The following AGO3 variants were observed in gnomAD, a reference collection of about 807,000 sequenced individuals.
AGO3 encodes the protein protein argonaute-3.
Under a neutral mutation model 105.5 loss-of-function variants are expected in AGO3, and 16 were observed. The observed-to-expected ratio is 0.15, with a 90% CI of 0.10 to 0.23. AGO3 has a LOEUF of 0.23. Ranked by LOEUF, AGO3 falls within the 10% of genes least tolerant of loss-of-function variation. The probability of loss-of-function intolerance (pLI) is 1.00; values close to 1 mark genes in which losing one functional copy is unlikely to be tolerated. For synonymous variants in AGO3, 340 were observed against 367.3 expected (o/e 0.93, Z 0.85); for missense variants, 534 against 1,088.0 (o/e 0.49, Z 7.16).
chr1:36,035,375 TG>T (rs1457351239), intron 13 of AGO3, among the ~76,000 whole-genome samples: 2 of 152,128 alleles, frequency 1.3e-5, no homozygotes, highest in African/African-American at 4.8e-5. Flanking sequence ...CACTCCAGCC[TG>T]GGCAACACAG....
chr1:36,036,201 G>A lies in AGO3; in HGVS notation c.1776G>A (p.Val592=), dbSNP rs1642000712. The A allele has an allele frequency of 1.2e-6, 2 of 1,614,120 alleles. No individual in the cohort carries two copies. Among genetic ancestry groups the A allele is most frequent in the African/African-American group, 2.7e-5 (2 of 75,042 alleles). ...GACCTTCTGTGTTCCAGCAACCAGT[G>A]ATCTTTTTGGGAGCCGATGTCACTC... is the stretch of plus-strand genomic sequence containing the variant. ...HQRPSVFQQP[V]IFLGADVTHP... The change falls in exon 14 of 19, where the codon GTG becomes GTA. Residue 592 remains valine, a synonymous_variant. Transcript: ENST00000373191.
At chr1:36,042,880 A>G (rs552154607) in intron 16 of AGO3, among the ~76,000 whole-genome samples, 4 of 152,342 alleles carry the variant, frequency 2.6e-5, no homozygotes, top group Admixed American at 2.6e-4. Flanking sequence ...ATTGTGTGCT[A>G]TTGAGCAAAT....
chr1:35,984,172 T>C (rs1647116185), intron 5 of AGO3, among the ~76,000 whole-genome samples: 1 of 151,914 alleles, frequency 6.6e-6, no homozygotes, highest in African/African-American at 2.4e-5. Flanking sequence ...GGGAAACATA[T>C]CCAAAAAATA....
intron 13 of AGO3, among the ~76,000 whole-genome samples, chr1:36,034,629 G>T (rs1253464711): frequency 6.6e-6 from 1 of 152,152 alleles, no homozygotes; most frequent in Non-Finnish European, 1.5e-5. Context: ...GTGGGAGCAG[G>T]CTCAAGCCCC....
intron 2 of AGO3, among the ~76,000 whole-genome samples, chr1:35,957,403 A>G (rs1389517882): frequency 6.6e-6 from 1 of 151,818 alleles, no homozygotes; most frequent in East Asian, 1.9e-4. Flanking sequence ...TTCACATATG[A>G]AATGACTACA....
chr1:36,043,166 AT>A (rs869053585), intron 16 of AGO3: 34 of 289,244 alleles, frequency 1.2e-4, no homozygotes, highest in East Asian at 1.9e-4. Context: ...TTTAAAAAAA[AT>A]TTTTTTTAGT....
chr1:35,930,798 G>A (rs1646024604), upstream of AGO3: 2 of 164,758 alleles, frequency 1.2e-5, no homozygotes, highest in Non-Finnish European at 2.6e-5. Context: ...GCCGGCTCCA[G>A]GTAGGCTACT....
At chr1:35,992,979 G>A (rs1204899753) in intron 5 of AGO3, among the ~76,000 whole-genome samples, 1 of 152,206 alleles carries the variant, frequency 6.6e-6, no homozygotes, top group Admixed American at 6.5e-5. Context: ...GGCTGGGTAA[G>A]TATCCTCACA....
At chr1:35,961,570 T>C (rs1347456675) in intron 2 of AGO3, among the ~76,000 whole-genome samples, 1 of 152,260 alleles carries the variant, frequency 6.6e-6, no homozygotes, top group African/African-American at 2.4e-5. Context: ...GAGTTTTTCC[T>C]ATTCCAGACT....
chr1:36,045,403 G>A (rs1000637840), intron 17 of AGO3, among the ~76,000 whole-genome samples: 3 of 151,864 alleles, frequency 2.0e-5, no homozygotes, highest in Non-Finnish European at 4.4e-5. Context: ...TGCATTTTTA[G>A]TAGAGATGGG....
rs369177798 is a variant in AGO3 at position 36,062,486 on chromosome 1, G to A, written c.*6741G>A. On this transcript the variant is annotated 3_prime_UTR_variant, in exon 19 of 19. Transcript: ENST00000373191. ...TTTAAATGATTTTTTATTTTTTCTA[G>A]GATGCAGGAACTATGAAAAATGATG... The A allele has an allele frequency of 1.3e-5, 2 of 151,930 alleles. No homozygotes were observed. Among genetic ancestry groups the A allele is most frequent in the Non-Finnish European group, 2.9e-5 (2 of 67,996 alleles). The allele number at this position is 151,930 out of a possible 1,614,324, so 9.4% of individuals were successfully genotyped here.
At chr1:35,982,806 G>T in intron 5 of AGO3, 1 of 568,116 alleles carries the variant, frequency 1.8e-6, no homozygotes. Context: ...AAAAACTTTG[G>T]GTGTAGTACT....
At chr1:35,971,061 T>A (rs1288515628) in intron 3 of AGO3, among the ~76,000 whole-genome samples, 4 of 143,702 alleles carry the variant, frequency 2.8e-5, no homozygotes, top group African/African-American at 7.9e-5. Context: ...ATTATAAATA[T>A]ATAAATTATA....
chr1:36,018,698 T>C (rs1354113025), intron 11 of AGO3, among the ~76,000 whole-genome samples: 1 of 152,178 alleles, frequency 6.6e-6, no homozygotes, highest in East Asian at 1.9e-4. Context: ...CCCAAAGTGC[T>C]GGGATTACAG....
At chr1:35,960,153 G>C (rs1487285646) in intron 2 of AGO3, among the ~76,000 whole-genome samples, 1 of 151,986 alleles carries the variant, frequency 6.6e-6, no homozygotes, top group Non-Finnish European at 1.5e-5. Flanking sequence ...TAGCACCTTT[G>C]CTACTATAGC....
intron 5 of AGO3, among the ~76,000 whole-genome samples, chr1:36,001,917 A>G (rs971703295): frequency 1.3e-5 from 2 of 152,184 alleles, no homozygotes; most frequent in African/African-American, 4.8e-5. Flanking sequence ...AACTTTATTC[A>G]TGTATTATTT....
At chr1:36,020,357 A>G (rs1641153324) in intron 11 of AGO3, among the ~76,000 whole-genome samples, 2 of 152,156 alleles carry the variant, frequency 1.3e-5, no homozygotes, top group African/African-American at 4.8e-5. Context: ...TAGCATGAAA[A>G]TCTGGCCAAG....
chr1:35,976,580 G>A (rs556543105), intron 5 of AGO3, among the ~76,000 whole-genome samples: 8 of 152,080 alleles, frequency 5.3e-5, no homozygotes, highest in Non-Finnish European at 1.2e-4. Context: ...GAAGCATTAA[G>A]CATTGTATGT....
rs1642908873 is a variant in AGO3, at chr1:36,056,105, T to G, written c.*360T>G. Reference sequence around the variant, plus strand: ...AGTAAAGAAAAAGTAAATGATGGTTTAAAAAATACACACCTTCATGAATAA... The same window carrying G: ...AGTAAAGAAAAAGTAAATGATGGTTGAAAAAATACACACCTTCATGAATAA... On this transcript the variant is annotated 3_prime_UTR_variant, in exon 19 of 19. Transcript: ENST00000373191. The G allele has an allele frequency of 6.1e-6, 1 of 164,292 alleles. No individual in the cohort carries two copies. The highest frequency in any genetic ancestry group is 2.4e-5 in the African/African-American group (1 of 41,874). The allele number at this position is 164,292 out of a possible 1,614,324, so 10.2% of individuals were successfully genotyped here.
Sources: gnomAD v4.1 joint callset for allele counts (sites outside exome capture counted in the v4.1 genomes callset) on GRCh38, gnomAD v4.1.1 for gene constraint, MANE v1.5 for transcripts, NCBI Gene and HGNC (gene_info 2026-07-23, HGNC 2026-07-21) for gene names.